Variants in FSIP1 observed in about 807,000 individuals in gnomAD.
The protein encoded by FSIP1 is fibrous sheath-interacting protein 1.
In FSIP1, 65 loss-of-function variants were observed where a neutral mutation model predicts 60.9. The ratio of observed to expected loss-of-function variants is 1.07; its 90% CI spans 0.87 to 1.31. The LOEUF (loss-of-function observed/expected upper bound fraction) is 1.31. Among genes scored for constraint, FSIP1 ranks in the 40% most tolerant of loss-of-function variants. The probability of loss-of-function intolerance (pLI) is 0.00; values close to 1 mark genes in which losing one functional copy is unlikely to be tolerated. For synonymous variants in FSIP1, 209 were observed against 221.2 expected (o/e 0.94, Z 0.49); for missense variants, 675 against 665.5 (o/e 1.01, Z -0.16).
At chr15:39,634,084 A>T (rs1892025990) in intron 10 of FSIP1, among the ~76,000 whole-genome samples, 1 of 152,128 alleles carries the variant, frequency 6.6e-6, no homozygotes, top group African/African-American at 2.4e-5. Flanking sequence ...CTCTACCTGC[A>T]CACAAGAGAC....
At chr15:39,682,430 A>G (rs919367187) in intron 10 of FSIP1, among the ~76,000 whole-genome samples, 7 of 152,088 alleles carry the variant, frequency 4.6e-5, no homozygotes, top group Non-Finnish European at 8.8e-5. Context: ...AAAACCTATC[A>G]TGTGCACTTG....
intron 6 of FSIP1, among the ~76,000 whole-genome samples, chr15:39,741,303 T>C (rs937882792): frequency 6.6e-6 from 1 of 152,164 alleles, no homozygotes; most frequent in African/African-American, 2.4e-5. Context: ...AATGTCCTCT[T>C]CTCCTCTCCA....
At chr15:39,631,309 C>A (rs75911799) in intron 10 of FSIP1, among the ~76,000 whole-genome samples, 1 of 152,032 alleles carries the variant, frequency 6.6e-6, no homozygotes, top group Non-Finnish European at 1.5e-5. Flanking sequence ...CCTTCCAGAG[C>A]GCGCACTCCC....
chr15:39,688,425 G>A (rs944241435), intron 10 of FSIP1, among the ~76,000 whole-genome samples: 2 of 152,164 alleles, frequency 1.3e-5, no homozygotes, highest in Non-Finnish European at 2.9e-5. Flanking sequence ...ATAATCAAGT[G>A]TTGAATATCT....
chr15:39,656,534 C>A (rs1893077204), intron 10 of FSIP1, among the ~76,000 whole-genome samples: 1 of 152,176 alleles, frequency 6.6e-6, no homozygotes, highest in Non-Finnish European at 1.5e-5. Flanking sequence ...TCTGACTCTG[C>A]CACTTACTAG....
chr15:39,689,339 G>A (rs927961469), intron 10 of FSIP1, among the ~76,000 whole-genome samples: 5 of 152,166 alleles, frequency 3.3e-5, no homozygotes, highest in Non-Finnish European at 4.4e-5. Flanking sequence ...ATATAGGCAT[G>A]ATTGATTAAT....
At chr15:39,710,907 T>G (rs752453521) in intron 10 of FSIP1, among the ~76,000 whole-genome samples, 1 of 152,272 alleles carries the variant, frequency 6.6e-6, no homozygotes, top group African/African-American at 2.4e-5. Flanking sequence ...TGCTCTTATC[T>G]ACTCATGTAT....
intron 10 of FSIP1, among the ~76,000 whole-genome samples, chr15:39,659,614 A>T (rs1289343991): frequency 7.9e-6 from 1 of 126,988 alleles, no homozygotes; most frequent in Non-Finnish European, 1.7e-5. Context: ...ATATCTCAAT[A>T]AAGCTGTTAT....
intron 10 of FSIP1, among the ~76,000 whole-genome samples, chr15:39,654,376 T>C (rs747988486): frequency 3.9e-5 from 6 of 152,246 alleles, no homozygotes; most frequent in Admixed American, 6.5e-5. Context: ...TTACAACAGC[T>C]ACCTAGTCAC....
At chr15:39,637,696 C>G (rs781745053) in intron 10 of FSIP1, among the ~76,000 whole-genome samples, 1 of 152,058 alleles carries the variant, frequency 6.6e-6, no homozygotes, top group Non-Finnish European at 1.5e-5. Context: ...GTGGAACTTC[C>G]TAGATTCAAT....
chr15:39,662,544 C>A lies in FSIP1; in HGVS notation c.1189-44299G>T, dbSNP rs147472290. Among the ~76,000 whole-genome samples, 529 of 152,146 alleles carry A rather than the reference C, an allele frequency of 3.5e-3. 5 individuals are homozygous for A. Among genetic ancestry groups the A allele is most frequent in the African/African-American group, 0.012 (486 of 41,500 alleles). On this transcript the variant is annotated intron_variant, in intron 10 of 11. Coordinates refer to ENST00000350221, the MANE Select transcript of FSIP1 (RefSeq NM_152597.5). The stretch of plus-strand genomic sequence containing the variant: ...CTCTCAATTAATTTGCACAATGTTG[C>A]TCAATGAAAAATAATGAGGTGGATA...
chr15:39,665,735 T>G (rs893543842), intron 10 of FSIP1, among the ~76,000 whole-genome samples: 1 of 152,186 alleles, frequency 6.6e-6, no homozygotes, highest in African/African-American at 2.4e-5. Flanking sequence ...GAGTAAAGTT[T>G]TAATTAATTA....
In FSIP1 at chr15:39,776,441, A is replaced by G. The variant is rs1397939551; in HGVS notation, c.84T>C (p.Asn28=). ...CTGTTGAGAGCACCTCCAAAGAAGC[A>G]TTTGAACTTCTGCTCCCAGGGCGTA... The part of the protein sequence containing the change: ...SRIRPGSRSS[N]ASLEVLSTEP... Residue 28 remains asparagine (N), a synonymous_variant, in exon 2 of 12, where the codon AAT becomes AAC. Transcript: ENST00000350221. 1 of 1,613,916 alleles carries G rather than the reference A, an allele frequency of 6.2e-7. No homozygotes were observed. Among genetic ancestry groups the G allele is most frequent in the South Asian group, 1.1e-5 (1 of 91,052 alleles).
chr15:39,600,078 C>T lies in FSIP1; in HGVS notation c.*802G>A, dbSNP rs562799214. 1 of 152,306 alleles carries T rather than the reference C, an allele frequency of 6.6e-6. No individual in the cohort carries two copies. The highest frequency in any genetic ancestry group is 2.1e-4 in the South Asian group (1 of 4,822). 9.4% of individuals were successfully genotyped at this position (152,306 alleles called of 1,614,324 possible). A position where few individuals can be genotyped will look rare whatever the true frequency, so the allele number is the denominator to read the frequency against. On this transcript the variant is annotated 3_prime_UTR_variant, in exon 12 of 12. Transcript: ENST00000350221. ...TTATTAAAGGCAGCACAATAGCCCG[C>T]TCATTTTTTGATTCAGAAATAAACT...
chr15:39,645,923 G>A (rs1193035057), intron 10 of FSIP1, among the ~76,000 whole-genome samples: 5 of 152,204 alleles, frequency 3.3e-5, no homozygotes, highest in Admixed American at 3.3e-4. Flanking sequence ...CCACTTTCAG[G>A]CCGTCCCTGG....
intron 3 of FSIP1, among the ~76,000 whole-genome samples, chr15:39,766,810 A>G (rs539948270): frequency 6.6e-6 from 1 of 152,334 alleles, no homozygotes; most frequent in South Asian, 2.1e-4. Flanking sequence ...GGGTTAAGTG[A>G]TGTTTCTCTA....
At chr15:39,642,082 G>C (rs1892393355) in intron 10 of FSIP1, among the ~76,000 whole-genome samples, 1 of 152,092 alleles carries the variant, frequency 6.6e-6, no homozygotes, top group Non-Finnish European at 1.5e-5. Context: ...CTTGTCAAGA[G>C]TTAATGAAAC....
At chr15:39,647,565 A>AC (rs11368463) in intron 10 of FSIP1, among the ~76,000 whole-genome samples, 65,422 of 151,878 alleles carry the variant, frequency 0.43, 15,979 homozygotes, top group African/African-American at 0.68. Context: ...GACTTGTGCT[A>AC]CCCTTTCCAC....
At chr15:39,683,760 C>G (rs1894256153) in intron 10 of FSIP1, among the ~76,000 whole-genome samples, 1 of 152,078 alleles carries the variant, frequency 6.6e-6, no homozygotes, top group Admixed American at 6.5e-5. Flanking sequence ...AAAAATTAAC[C>G]ATTTTTCTAT....
Sources: allele counts gnomAD v4.1 joint callset (sites outside exome capture counted in the v4.1 genomes callset), GRCh38; gene constraint gnomAD v4.1.1; transcripts MANE v1.5; gene names NCBI Gene and HGNC (gene_info 2026-07-23, HGNC 2026-07-21).